EVPL: variants seen among roughly 807,000 people sequenced by gnomAD.
EVPL encodes the protein envoplakin.
EVPL carries 94 observed loss-of-function variants against 129.7 expected under a neutral mutation model. The observed-to-expected ratio is 0.72, with a 90% CI of 0.61 to 0.86. The LOEUF is 0.86. Ranked by LOEUF, EVPL falls within the 40% of genes least tolerant of loss-of-function variation. EVPL has a pLI of 0.00. For synonymous variants in EVPL, 1,172 were observed against 1,191.1 expected (o/e 0.98, Z 0.33); for missense variants, 2,625 against 2,721.1 (o/e 0.96, Z 0.79).
rs562597478 is a variant in EVPL, at chr17:76,023,789, G to A, written c.199-135C>T. ...CCTTGAGGCCCACGCCAGGCACAGGGTCAGGACCAGGGCGTCCGTGGGGCA... is the reference window on the plus strand; with the variant it reads ...CCTTGAGGCCCACGCCAGGCACAGGATCAGGACCAGGGCGTCCGTGGGGCA... On this transcript the variant is annotated intron_variant, in intron 2 of 21. Coordinates refer to ENST00000301607, the MANE Select transcript of EVPL (RefSeq NM_001988.4). The A allele has an allele frequency of 5.5e-5, 78 of 1,407,620 alleles. No individual in the cohort carries two copies. The Admixed American group carries it at 7.4e-4, about 13-fold the overall frequency. The allele number at this position is 1,407,620 out of a possible 1,614,324, so 87.2% of individuals were successfully genotyped here.
chr17:76,017,789 T>C lies in EVPL; in HGVS notation c.1660A>G (p.Ser554Gly). 1 of 1,613,226 alleles carries C rather than the reference T, an allele frequency of 6.2e-7. No homozygotes were observed. The highest frequency in any genetic ancestry group is 8.5e-7 in the Non-Finnish European group (1 of 1,180,008). ...AAGTCCTCCAAGGGTGTGGGGCGGC[T>C]CAGCGGGGCCCGCGCCCAGGCCAGC... ...QVLAWARAPL[S>G]RPTPLEDLEG... Residue 554 changes from serine to glycine, a missense_variant, in exon 14 of 22, where the codon AGC becomes GGC. Around this residue, in one of 4 missense-constraint regions of EVPL, gnomAD observed 1,024 missense variants for 997.5 expected, o/e 1.03. Transcript: ENST00000301607.
At chr17:76,019,182 C>T in intron 10 of EVPL, 122 bp from the exon 11 acceptor site, 1 of 1,124,272 alleles carries the variant, frequency 8.9e-7, no homozygotes, top group Non-Finnish European at 1.2e-6. Flanking sequence ...TCTAAGTCAG[C>T]AAAGTAAAAG....
At position 76,011,672 on chromosome 17, in the gene EVPL, G is replaced by A. The variant is rs2066377613; in HGVS notation, c.2569-4C>T. On this transcript the variant is annotated splice_region_variant and splice_polypyrimidine_tract_variant and intron_variant, in intron 20 of 21. Coordinates refer to ENST00000301607, the MANE Select transcript of EVPL (RefSeq NM_001988.4). ...AGGCCTTTGCAAGGTTCTTCTCCTG[G>A]AGAAGGCAGAGGGAGAGGGGAAGGG... is the stretch of plus-strand genomic sequence containing the variant. 1.9e-6 allele frequency: 3 copies of A among 1,614,022 alleles called. No homozygotes were observed. Among genetic ancestry groups the A allele is most frequent in the Non-Finnish European group, 2.5e-6 (3 of 1,179,890 alleles).
At position 76,022,026 on chromosome 17, in the gene EVPL, C is replaced by G. The variant is rs549505284; in HGVS notation, c.648G>C (p.Lys216Asn). 68 of 1,557,150 alleles carry G rather than the reference C, an allele frequency of 4.4e-5. No individual in the cohort carries two copies. Among genetic ancestry groups the G allele is most frequent in the Non-Finnish European group, 5.9e-5 (68 of 1,158,520 alleles). The change falls in exon 7 of 22, where the codon AAG becomes AAC. Residue 216 changes from lysine (K) to asparagine (N), a missense_variant and splice_region_variant. Coordinates refer to ENST00000301607, the MANE Select transcript of EVPL (RefSeq NM_001988.4). This position sits in a 1 kb window ranked among gnomAD's most constrained non-coding sequence, Gnocchi z 5.6. The stretch of plus-strand genomic sequence containing the variant: ...GGCTCTGCCCGCGCCACGACGCCGC[C>G]TTCTGTGCTCAGGACCCGCCGCCAG... ...TIRSQYRDLL[K>N]AASWRGQSLG...
Position 76,019,074 on chromosome 17 carries a change from A to G in EVPL, c.1138-14T>C. 1 of 1,570,190 alleles carries G rather than the reference A, an allele frequency of 6.4e-7. No homozygotes were observed. On this transcript the variant is annotated splice_polypyrimidine_tract_variant and intron_variant, in intron 10 of 21. Transcript: ENST00000301607. ...TTTTTCCTCTGCCTGCCGGGGGCCCAGGCAGTGGGGGACTCAGGCCAGGCT... is the reference window on the plus strand; with the variant it reads ...TTTTTCCTCTGCCTGCCGGGGGCCCGGGCAGTGGGGGACTCAGGCCAGGCT...
At position 76,007,909 on chromosome 17, in the gene EVPL, A is replaced by G; in HGVS notation, c.5296T>C (p.Tyr1766His). ...GAGATGGGCAGGTGGCCGTCCTTGTACAGATGGTACTCCTCCTTAGAGATG... is the reference window on the plus strand; with the variant it reads ...GAGATGGGCAGGTGGCCGTCCTTGTGCAGATGGTACTCCTCCTTAGAGATG... ...RRISKEEYHLYKDGHLPISEF... is the reference protein window; with the variant it reads ...RRISKEEYHLHKDGHLPISEF... Residue 1766 changes from tyrosine to histidine, a missense_variant, in exon 22 of 22, where the codon TAC (tyrosine) becomes CAC (histidine). Coordinates refer to ENST00000301607, the MANE Select transcript of EVPL (RefSeq NM_001988.4). This position sits in a 1 kb window ranked among gnomAD's most constrained non-coding sequence, Gnocchi z 8.8. The G allele has an allele frequency of 1.2e-6, 2 of 1,614,064 alleles. No individual in the cohort carries two copies. The highest frequency in any genetic ancestry group is 1.7e-6 in the Non-Finnish European group (2 of 1,180,018).
intron 10 of EVPL, among the ~76,000 whole-genome samples, 171 bp downstream of exon 10, chr17:76,019,356 AG>A (rs1340866261): frequency 2.0e-5 from 3 of 152,068 alleles, no homozygotes; most frequent in Non-Finnish European, 2.9e-5. Context: ...CAGAAGTGGG[AG>A]GAGCTTGCTG....
Position 76,007,249 on chromosome 17 carries a change from T to A in EVPL, c.5956A>T (p.Ile1986Phe), listed in dbSNP as rs1018205576. Residue 1986 changes from isoleucine (I) to phenylalanine (F), a missense_variant, in exon 22 of 22, where the codon ATC (isoleucine) becomes TTC (phenylalanine). Transcript: ENST00000301607. The surrounding 1 kb of genome is among the most constrained non-coding windows in gnomAD (Gnocchi z 8.8). ...SSYEKDLTDP[I>F]SKERLSYKEA... is the part of the protein sequence containing the mutation. ...TTGTAGCTCAGCCGTTCCTTGGAGATGGGGTCTGTCAAATCCTTCTCGTAG... is the reference window on the plus strand; with the variant it reads ...TTGTAGCTCAGCCGTTCCTTGGAGAAGGGGTCTGTCAAATCCTTCTCGTAG... The A allele has an allele frequency of 8.3e-6, 13 of 1,571,144 alleles. No homozygotes were observed. The highest frequency in any genetic ancestry group is 7.8e-6 in the Non-Finnish European group (9 of 1,156,720).
chr17:76,015,203 A>T, intron 16 of EVPL, 24 bp downstream of exon 16: 1 of 1,568,938 alleles, frequency 6.4e-7, no homozygotes, highest in Non-Finnish European at 8.6e-7. Flanking sequence ...CCCTGACACC[A>T]GGAGGCCCCG....
At position 76,023,623 on chromosome 17, in the gene EVPL, A is replaced by G; in HGVS notation, c.230T>C (p.Leu77Pro). 2 of 1,602,214 alleles carry G rather than the reference A, an allele frequency of 1.2e-6. No individual in the cohort carries two copies. Among genetic ancestry groups the G allele is most frequent in the South Asian group, 2.2e-5 (2 of 89,832 alleles). Residue 77 changes from leucine (L) to proline (P), a missense_variant, in exon 3 of 22, where the codon CTG becomes CCG. This residue lies in a region of EVPL where 139 missense variants were observed against 186.8 expected (regional missense o/e 0.74). Transcript: ENST00000301607. ...GCGGCCCGTCTCCTGCTGGTGCTGC[A>G]GGGCCTGGCTCTGCTCACTGTTCAG... is the stretch of plus-strand genomic sequence containing the variant. Reference protein sequence around the residue: ...DRLNSEQSQALQHQQETGRSL... With the variant: ...DRLNSEQSQAPQHQQETGRSL...
chr17:76,012,181 G>A (rs2066382780), intron 18 of EVPL, 92 bp from the exon 19 acceptor site: 1 of 926,084 alleles, frequency 1.1e-6, no homozygotes, highest in Non-Finnish European at 1.6e-6. Flanking sequence ...CAGTCAGGCA[G>A]AGCTGCCTCC....
At chr17:76,010,993 C>T (rs2066372676) in intron 21 of EVPL, among the ~76,000 whole-genome samples, 1 of 152,124 alleles carries the variant, frequency 6.6e-6, no homozygotes, top group African/African-American at 2.4e-5. Context: ...ACCAGGGAGG[C>T]GGAGGTTGCA....
rs759487001 is a variant in EVPL at position 76,015,568 on chromosome 17, CG to C, written c.1770del (p.Cys590TrpfsTer19). The C allele has an allele frequency of 3.7e-6, 6 of 1,613,396 alleles. No homozygotes were observed. Among genetic ancestry groups the C allele is most frequent in the Middle Eastern group, 1.6e-4 (1 of 6,062 alleles). ...ACGGGCCGCGTGGACAGAAACGCCT[CG>C]CACTCCTTCTGGGCTGTCTCCTTCT... ...GTEKETAQKE[C>X]EAFLSTRPVG... On this transcript the variant is annotated frameshift_variant, in exon 15 of 22. Coordinates refer to ENST00000301607, the MANE Select transcript of EVPL (RefSeq NM_001988.4). LOFTEE classifies it high-confidence loss of function.
chr17:76,012,053 T>C lies in EVPL; in HGVS notation c.2410A>G (p.Arg804Gly). The change falls in exon 19 of 22, where the codon AGG becomes GGG. Residue 804 changes from arginine (R) to glycine (G), a missense_variant. This residue lies in a region of EVPL where 1,024 missense variants were observed against 997.5 expected (regional missense o/e 1.03). Transcript: ENST00000301607. The part of the protein sequence containing the change: ...TQEIQSRERD[R>G]ATASHLSQAL... Reference sequence around the variant, plus strand: ...TGGGAGAGGTGGGATGCTGTGGCCCTGTCCCGCTCTCGGCTCTGGATCTCC... The same window carrying C: ...TGGGAGAGGTGGGATGCTGTGGCCCCGTCCCGCTCTCGGCTCTGGATCTCC... The C allele has an allele frequency of 6.2e-7, 1 of 1,612,278 alleles. No homozygotes were observed. Among genetic ancestry groups the C allele is most frequent in the Non-Finnish European group, 8.5e-7 (1 of 1,179,656 alleles).
Position 76,008,476 on chromosome 17 carries a change from C to G in EVPL, c.4729G>C (p.Glu1577Gln). 1 of 1,598,178 alleles carries G rather than the reference C, an allele frequency of 6.3e-7. No homozygotes were observed. The highest frequency in any genetic ancestry group is 1.7e-4 in the Middle Eastern group (1 of 6,052). Residue 1577 changes from glutamate to glutamine, a missense_variant, in exon 22 of 22, where the codon GAG becomes CAG. This residue lies in a region of EVPL where 1,453 missense variants were observed against 1,511.8 expected (regional missense o/e 0.96). Transcript: ENST00000301607. This position sits in a 1 kb window ranked among gnomAD's most constrained non-coding sequence, Gnocchi z 7.4. ...CGGGCCCTCTGCAGCTCGGACTCCT[C>G]CCGGGACCAGGTTCTCCCCAGCGTC... is the stretch of plus-strand genomic sequence containing the variant. ...AETLGRTWSR[E>Q]ESELQRARDQ...
chr17:76,011,809 G>T lies in EVPL; in HGVS notation c.2531C>A (p.Pro844His). ...GCTCTCTTGCAGGGGAGCCACTCGGGGTCTCTTGGGGGCTGACACTGCCAG... is the reference window on the plus strand; with the variant it reads ...GCTCTCTTGCAGGGGAGCCACTCGGTGTCTCTTGGGGGCTGACACTGCCAG... ...PTLAVSAPKRPRVAPLQESIQ... is the reference protein window; with the variant it reads ...PTLAVSAPKRHRVAPLQESIQ... The change falls in exon 20 of 22, where the codon CCC (proline) becomes CAC (histidine). Residue 844 changes from proline (P) to histidine (H), a missense_variant. Around this residue, in one of 4 missense-constraint regions of EVPL, gnomAD observed 1,024 missense variants for 997.5 expected, o/e 1.03. Coordinates refer to ENST00000301607, the MANE Select transcript of EVPL (RefSeq NM_001988.4). The T allele has an allele frequency of 6.2e-7, 1 of 1,612,410 alleles. No individual in the cohort carries two copies. Among genetic ancestry groups the T allele is most frequent in the Non-Finnish European group, 8.5e-7 (1 of 1,179,438 alleles).
Position 76,021,711 on chromosome 17 carries a change from A to C in EVPL, c.878T>G (p.Met293Arg), listed in dbSNP as rs766093330. The change falls in exon 8 of 22, where the codon ATG becomes AGG. Residue 293 changes from methionine (M) to arginine (R), a missense_variant. By Grantham distance (91) the Met-to-Arg change is moderately conservative. This residue lies in a region of EVPL where 1,024 missense variants were observed against 997.5 expected (regional missense o/e 1.03). Coordinates refer to ENST00000301607, the MANE Select transcript of EVPL (RefSeq NM_001988.4). ...CACCGCGGGGTGCCGCAGCTCCACC[A>C]TGCGCTCGCCGTCGTCCTCCAGCTG... ...VNQLEDDGERMVELRHPAVGP... is the reference protein window; with the variant it reads ...VNQLEDDGERRVELRHPAVGP... The C allele has an allele frequency of 6.2e-7, 1 of 1,601,810 alleles. No homozygotes were observed. The highest frequency in any genetic ancestry group is 8.5e-7 in the Non-Finnish European group (1 of 1,175,006).
rs1176253331 is a variant in EVPL, at chr17:76,008,556, C to T, written c.4649G>A (p.Arg1550Gln). The change falls in exon 22 of 22, where the codon CGG (arginine) becomes CAG (glutamine). Residue 1550 changes from arginine (R) to glutamine (Q), a missense_variant. Coordinates refer to ENST00000301607, the MANE Select transcript of EVPL (RefSeq NM_001988.4). This position sits in a 1 kb window ranked among gnomAD's most constrained non-coding sequence, Gnocchi z 7.4. ...CCGTGCCTCCTCCTCCCGGGCCTGC[C>T]GGGCCGTGCGCTCCCTGTTGAGCAT... ...WEMLNRERTA[R>Q]QAREEEARRL... is the part of the protein sequence containing the mutation. 13 of 1,609,036 alleles carry T rather than the reference C, an allele frequency of 8.1e-6. No individual in the cohort carries two copies. Among genetic ancestry groups the T allele is most frequent in the South Asian group, 2.2e-5 (2 of 91,072 alleles).
At chr17:76,017,657 C>T in intron 14 of EVPL, 82 bp downstream of exon 14, 3 of 1,544,926 alleles carry the variant, frequency 1.9e-6, no homozygotes, top group Non-Finnish European at 1.7e-6. Context: ...ACCGCTCCTG[C>T]ACTTGCCTCA....
Sources: allele counts gnomAD v4.1 joint callset (sites outside exome capture counted in the v4.1 genomes callset), GRCh38; gene constraint gnomAD v4.1.1; regional missense constraint gnomAD v4.1.1; non-coding constraint Gnocchi (gnomAD v3.1); transcripts MANE v1.5; gene names NCBI Gene and HGNC (gene_info 2026-07-23, HGNC 2026-07-21).